The following GPATCH2 variants were observed in gnomAD, a reference collection of about 807,000 sequenced individuals.
GPATCH2 encodes the protein G-patch domain containing 2, also known as G patch domain-containing protein 2.
Under a neutral mutation model 58.0 loss-of-function variants are expected in GPATCH2, and 51 were observed. The ratio of observed to expected loss-of-function variants is 0.88; its 90% CI spans 0.70 to 1.11. GPATCH2 has a LOEUF of 1.11. Among genes scored for constraint, GPATCH2 ranks in the 50% most tolerant of loss-of-function variants. The probability of loss-of-function intolerance (pLI) is 0.00; values close to 1 mark genes in which losing one functional copy is unlikely to be tolerated. For missense variants in GPATCH2, 625 were observed against 652.2 expected (o/e 0.96, Z 0.45); for synonymous variants, 222 against 218.5 (o/e 1.02, Z -0.14).
intron 5 of GPATCH2, among the ~76,000 whole-genome samples, chr1:217,581,032 A>AG (rs1383238618): frequency 5.1e-5 from 2 of 38,932 alleles, no homozygotes; most frequent in Non-Finnish European, 1.1e-4. Flanking sequence ...AAAAAAAAAA[A>AG]AAAAGAAAGG....
At chr1:217,531,130 C>T (rs779949220) in intron 5 of GPATCH2, among the ~76,000 whole-genome samples, 9 of 152,002 alleles carry the variant, frequency 5.9e-5, no homozygotes, top group Non-Finnish European at 1.0e-4. Context: ...TCTGATCACA[C>T]AAAACAGAAG....
chr1:217,430,992 T>A lies in GPATCH2; in HGVS notation c.*153A>T, dbSNP rs908995760. 12 of 624,912 alleles carry A rather than the reference T, an allele frequency of 1.9e-5. No homozygotes were observed. Among genetic ancestry groups the A allele is most frequent in the Non-Finnish European group, 3.2e-5 (11 of 347,988 alleles). 38.7% of individuals were successfully genotyped at this position (624,912 alleles called of 1,614,324 possible). On this transcript the variant is annotated 3_prime_UTR_variant, in exon 10 of 10. Coordinates refer to ENST00000366935, the MANE Select transcript of GPATCH2 (RefSeq NM_018040.5). ...ATGAATTGTGATGAAATCCCATTTCTCTCACTATGGCAGGACTGTATGCAG... is the reference window on the plus strand; with the variant it reads ...ATGAATTGTGATGAAATCCCATTTCACTCACTATGGCAGGACTGTATGCAG...
rs1660385512 is a variant in GPATCH2, at chr1:217,465,132, G to A, written c.1278-15795C>T. On this transcript the variant is annotated intron_variant, in intron 8 of 9. Transcript: ENST00000366935. ...ATCATTTCAGAAATTAAACTAAAAG[G>A]AACAGAGGAGTGAGCCATATGATGG... is the stretch of plus-strand genomic sequence containing the variant. 2.6e-5 allele frequency among the ~76,000 whole-genome samples: 4 copies of A among 151,584 alleles called. No homozygotes were observed. The South Asian group carries it at 8.3e-4, about 32-fold the overall frequency.
chr1:217,445,518 T>C (rs1659347344), intron 9 of GPATCH2, among the ~76,000 whole-genome samples: 1 of 152,120 alleles, frequency 6.6e-6, no homozygotes, highest in Admixed American at 6.5e-5. Context: ...TAAAATGCAT[T>C]CTGCTGGCAA....
intron 5 of GPATCH2, among the ~76,000 whole-genome samples, chr1:217,590,156 G>C (rs1667525479): frequency 6.6e-6 from 1 of 151,902 alleles, no homozygotes; most frequent in Non-Finnish European, 1.5e-5. Context: ...TAGTAGCTGG[G>C]ATTACAGGCA....
rs538603832 is a variant in GPATCH2 at position 217,591,237 on chromosome 1, G to A, written c.1098+19084C>T. Among the ~76,000 whole-genome samples, 13 of 151,834 alleles carry A rather than the reference G, an allele frequency of 8.6e-5. No homozygotes were observed. The South Asian group carries it at 1.9e-3, about 22-fold the overall frequency. The stretch of plus-strand genomic sequence containing the variant: ...CATATACATATGCATATATATAATG[G>A]ACATATATAAATGCATATATATATG... On this transcript the variant is annotated intron_variant, in intron 5 of 9. Coordinates refer to ENST00000366935, the MANE Select transcript of GPATCH2 (RefSeq NM_018040.5).
At chr1:217,563,004 GT>G (rs34015542) in intron 5 of GPATCH2, among the ~76,000 whole-genome samples, 26,725 of 152,124 alleles carry the variant, frequency 0.18, 2,553 homozygotes, top group Non-Finnish European at 0.21. Context: ...CTTTGGACAA[GT>G]TTGCTAAGTT....
intron 5 of GPATCH2, among the ~76,000 whole-genome samples, chr1:217,561,894 A>G (rs752563736): frequency 1.3e-4 from 20 of 152,202 alleles, no homozygotes; most frequent in Non-Finnish European, 2.1e-4. Context: ...GCCCTTAAGG[A>G]TAGAAAAATT....
intron 5 of GPATCH2, chr1:217,609,552 A>G (rs1183471136): frequency 1.0e-6 from 1 of 983,654 alleles, no homozygotes; most frequent in African/African-American, 1.7e-5. Flanking sequence ...TTTGCAATAC[A>G]AGCAGATTAC....
At chr1:217,611,208 A>G (rs1668608032) in intron 3 of GPATCH2, 137 bp from the exon 4 acceptor site, 1 of 736,078 alleles carries the variant, frequency 1.4e-6, no homozygotes. Context: ...CTTTTAATAT[A>G]AGTATTATAT....
intron 5 of GPATCH2, among the ~76,000 whole-genome samples, chr1:217,595,027 C>G (rs1667760302): frequency 6.6e-6 from 1 of 152,126 alleles, no homozygotes; most frequent in African/African-American, 2.4e-5. Context: ...AAGAGGGTGA[C>G]TCTGAGATTA....
At chr1:217,512,192 C>T (rs1662890010) in intron 6 of GPATCH2, among the ~76,000 whole-genome samples, 1 of 152,020 alleles carries the variant, frequency 6.6e-6, no homozygotes, top group Non-Finnish European at 1.5e-5. Context: ...CATGGTGGCC[C>T]ATGCTTGTAG....
chr1:217,605,351 T>C (rs1202500845), intron 5 of GPATCH2, among the ~76,000 whole-genome samples: 2 of 152,178 alleles, frequency 1.3e-5, no homozygotes, highest in African/African-American at 4.8e-5. Flanking sequence ...GATTAAGAGC[T>C]AATGTTCACA....
chr1:217,552,554 G>A (rs1459061402), intron 5 of GPATCH2, among the ~76,000 whole-genome samples: 2 of 152,120 alleles, frequency 1.3e-5, no homozygotes, highest in African/African-American at 4.8e-5. Flanking sequence ...ATATGTTACT[G>A]TGCCACCATA....
At chr1:217,524,165 T>A (rs1558456945) in intron 5 of GPATCH2, among the ~76,000 whole-genome samples, 1 of 145,056 alleles carries the variant, frequency 6.9e-6, no homozygotes, top group Non-Finnish European at 1.5e-5. Flanking sequence ...GGGCGGAGGC[T>A]CCTCACTTCT....
At chr1:217,619,567 T>C (rs1016027080) in intron 2 of GPATCH2, among the ~76,000 whole-genome samples, 38 of 152,214 alleles carry the variant, frequency 2.5e-4, no homozygotes, top group African/African-American at 9.2e-4. Flanking sequence ...TGAGTCATTA[T>C]AATACAATCA....
At chr1:217,612,774 T>C (rs535283141) in intron 3 of GPATCH2, among the ~76,000 whole-genome samples, 5 of 152,314 alleles carry the variant, frequency 3.3e-5, no homozygotes, top group African/African-American at 1.2e-4. Context: ...AAGAACTTGC[T>C]CTGAAATCAG....
intron 1 of GPATCH2, among the ~76,000 whole-genome samples, chr1:217,628,038 A>G (rs1669548039): frequency 6.6e-6 from 1 of 152,118 alleles, no homozygotes; most frequent in Non-Finnish European, 1.5e-5. Flanking sequence ...TAATGTTTAT[A>G]TTAACATACA....
intron 5 of GPATCH2, among the ~76,000 whole-genome samples, chr1:217,564,301 C>T (rs530553275): frequency 3.3e-5 from 5 of 152,136 alleles, no homozygotes; most frequent in African/African-American, 7.2e-5. Context: ...CATGTAAAAA[C>T]GAGGCATGTA....
Sources: gnomAD v4.1 joint callset for allele counts (sites outside exome capture counted in the v4.1 genomes callset) on GRCh38, gnomAD v4.1.1 for gene constraint, MANE v1.5 for transcripts, NCBI Gene and HGNC (gene_info 2026-07-23, HGNC 2026-07-21) for gene names.